The following KIAA1549L variants were observed in gnomAD, a reference collection of about 807,000 sequenced individuals.
KIAA1549L encodes KIAA1549 like.
Under a neutral mutation model 160.7 loss-of-function variants are expected in KIAA1549L, and 88 were observed. The observed-to-expected ratio is 0.55, with a 90% confidence interval of 0.46 to 0.65. The LOEUF is 0.65. KIAA1549L is among the 30% of genes least tolerant of loss of function. The pLI, the probability that KIAA1549L is intolerant of heterozygous loss-of-function variation, is 0.00. For missense variants in KIAA1549L, 2,258 were observed against 2,437.5 expected, an observed-to-expected ratio of 0.93 and a Z score of 1.55; for synonymous variants, 950 against 976.7, an observed-to-expected ratio of 0.97 and a Z score of 0.51.
chr11:33,635,282 G>A (rs533635807), intron 16 of KIAA1549L, among the ~76,000 whole-genome samples: 23 of 152,326 alleles, frequency 1.5e-4, no homozygotes, highest in African/African-American at 4.3e-4. Flanking sequence ...AAAAGACTCC[G>A]ATTGGTGGAA....
intron 2 of KIAA1549L, 131 bp downstream of exon 2, chr11:33,544,467 A>G (rs1188980859): frequency 6.0e-6 from 6 of 996,176 alleles, no homozygotes; most frequent in Non-Finnish European, 8.9e-6. Flanking sequence ...ACCCCCGATC[A>G]GGAATGAGTT....
intron 1 of KIAA1549L, among the ~76,000 whole-genome samples, chr11:33,467,914 A>C (rs1005996575): frequency 1.3e-5 from 2 of 152,214 alleles, no homozygotes; most frequent in African/African-American, 4.8e-5. Context: ...AAAACAAACC[A>C]ACAAAAATCT....
At chr11:33,404,067 C>T (rs1850594945) in intron 1 of KIAA1549L, among the ~76,000 whole-genome samples, 1 of 152,144 alleles carries the variant, frequency 6.6e-6, no homozygotes, top group African/African-American at 2.4e-5. Flanking sequence ...GCCTCTGTGT[C>T]AGACGTCTGA....
chr11:33,424,704 TG>T (rs1352510971), intron 1 of KIAA1549L, among the ~76,000 whole-genome samples: 2 of 152,300 alleles, frequency 1.3e-5, no homozygotes, highest in Middle Eastern at 3.4e-3. Flanking sequence ...TGCTCTACTC[TG>T]GGTACTGATG....
chr11:33,534,383 G>A (rs1419915576), intron 1 of KIAA1549L, among the ~76,000 whole-genome samples: 3 of 151,706 alleles, frequency 2.0e-5, no homozygotes, highest in East Asian at 3.9e-4. Flanking sequence ...ATGAGCCACC[G>A]CACCTGGCCG....
intron 13 of KIAA1549L, 141 bp downstream of exon 13, chr11:33,599,088 G>A: frequency 3.1e-6 from 3 of 959,686 alleles, no homozygotes; most frequent in South Asian, 3.4e-5. Context: ...GCCCCACAAG[G>A]GCCAGGAGTC....
intron 1 of KIAA1549L, among the ~76,000 whole-genome samples, chr11:33,474,155 C>T (rs1372060330): frequency 6.6e-6 from 1 of 152,172 alleles, no homozygotes; most frequent in Non-Finnish European, 1.5e-5. Flanking sequence ...CATGAGTGAT[C>T]CTCTGCCATG....
chr11:33,441,409 G>C (rs1201101925), intron 1 of KIAA1549L, among the ~76,000 whole-genome samples: 1 of 151,918 alleles, frequency 6.6e-6, no homozygotes. Flanking sequence ...ATAGCAGCAT[G>C]ATTTATAATC....
At chr11:33,510,214 CT>C (rs1853194784) in intron 1 of KIAA1549L, among the ~76,000 whole-genome samples, 1 of 152,132 alleles carries the variant, frequency 6.6e-6, no homozygotes, top group South Asian at 2.1e-4. Context: ...TCTTTCGTGT[CT>C]TGTTCTGTCA....
At chr11:33,611,234 TC>T in intron 15 of KIAA1549L, among the ~76,000 whole-genome samples, 1 of 152,158 alleles carries the variant, frequency 6.6e-6, no homozygotes, top group African/African-American at 2.4e-5. Context: ...CTTGGTGACT[TC>T]CCTCTGGCCT....
chr11:33,509,886 C>T (rs1414329196), intron 1 of KIAA1549L, among the ~76,000 whole-genome samples: 1 of 152,170 alleles, frequency 6.6e-6, no homozygotes, highest in East Asian at 1.9e-4. Flanking sequence ...CCACAGTGTT[C>T]CGTGTTCTCC....
chr11:33,406,067 A>G (rs184622912), intron 1 of KIAA1549L, among the ~76,000 whole-genome samples: 1 of 152,158 alleles, frequency 6.6e-6, no homozygotes. Flanking sequence ...GAGCAAAGCT[A>G]ACTCATTACT....
intron 10 of KIAA1549L, 49 bp downstream of exon 10, chr11:33,574,922 T>G (rs544519939): frequency 1.3e-6 from 2 of 1,506,452 alleles, no homozygotes; most frequent in Non-Finnish European, 1.8e-6. Context: ...ATTAAATGTT[T>G]CCTGAAAATC....
chr11:33,562,919 G>A (rs191643737), intron 8 of KIAA1549L, among the ~76,000 whole-genome samples: 81 of 151,960 alleles, frequency 5.3e-4, no homozygotes, highest in African/African-American at 1.7e-3. Context: ...GACCTCAGCC[G>A]ATCTGCCCGC....
chr11:33,520,002 T>C (rs1188503367), intron 1 of KIAA1549L, among the ~76,000 whole-genome samples: 1 of 151,768 alleles, frequency 6.6e-6, no homozygotes, highest in Admixed American at 6.6e-5. Flanking sequence ...AAGTTGCAGA[T>C]ATTGAATGTG....
intron 1 of KIAA1549L, among the ~76,000 whole-genome samples, chr11:33,520,719 ACAC>A (rs1853468018): frequency 6.8e-6 from 1 of 147,176 alleles, no homozygotes; most frequent in South Asian, 2.2e-4. Flanking sequence ...ACACACACAC[ACAC>A]ACACACACAC....
chr11:33,488,281 T>C (rs1168357589), intron 1 of KIAA1549L, among the ~76,000 whole-genome samples: 1 of 152,212 alleles, frequency 6.6e-6, no homozygotes, highest in African/African-American at 2.4e-5. Context: ...TATGGATAAT[T>C]CCTGAATGTG....
chr11:33,589,205 A>T (rs1173617786), intron 11 of KIAA1549L, among the ~76,000 whole-genome samples: 6 of 152,248 alleles, frequency 3.9e-5, no homozygotes, highest in Admixed American at 3.9e-4. Context: ...TCAAAACCAC[A>T]ATGAGATATC....
In KIAA1549L at chr11:33,542,402, A is replaced by G. The variant is rs545010765; in HGVS notation, c.839A>G (p.Asp280Gly). The part of the protein sequence containing the change: ...VLLVPQTAPA[D>G]PSLGQNIANP... Reference sequence around the variant, plus strand: ...TTAGTTCCCCAAACAGCTCCAGCCGACCCCTCTTTAGGTCAGAACATAGCT... The same window carrying G: ...TTAGTTCCCCAAACAGCTCCAGCCGGCCCCTCTTTAGGTCAGAACATAGCT... Residue 280 changes from aspartate to glycine, a missense_variant, in exon 2 of 21, where the codon GAC (aspartate) becomes GGC (glycine). Coordinates refer to ENST00000658780, the MANE Select transcript of KIAA1549L (RefSeq NM_012194.3). 13 of 1,456,676 alleles carry G rather than the reference A, an allele frequency of 8.9e-6. No homozygotes were observed. Among genetic ancestry groups the G allele is most frequent in the Non-Finnish European group, 1.2e-5 (13 of 1,071,338 alleles). The allele number at this position is 1,456,676 out of a possible 1,614,324, so 90.2% of individuals were successfully genotyped here. A position where few individuals can be genotyped will look rare whatever the true frequency, so the allele number is the denominator to read the frequency against.
Sources: allele counts gnomAD v4.1 joint callset (sites outside exome capture counted in the v4.1 genomes callset), GRCh38; gene constraint gnomAD v4.1.1; transcripts MANE v1.5; gene names NCBI Gene and HGNC (gene_info 2026-07-23, HGNC 2026-07-21).